The following SRGAP1 variants were observed in gnomAD, a reference collection of about 807,000 sequenced individuals.
SRGAP1 encodes SLIT-ROBO Rho GTPase-activating protein 1.
A neutral mutation model predicts 121.9 loss-of-function variants in SRGAP1; 43 were observed. The ratio of observed to expected loss-of-function variants is 0.35; its 90% CI spans 0.28 to 0.46. SRGAP1 has a LOEUF of 0.46. Among genes scored for constraint, SRGAP1 ranks in the 20% least tolerant of loss-of-function variants. The probability of loss-of-function intolerance (pLI) is 1.00; values close to 1 mark genes in which losing one functional copy is unlikely to be tolerated. For synonymous variants in SRGAP1, 447 were observed against 485.4 expected, an observed-to-expected ratio of 0.92 and a Z score of 1.04; for missense variants, 1,102 against 1,350.9, an observed-to-expected ratio of 0.82 and a Z score of 2.89.
intron 3 of SRGAP1, among the ~76,000 whole-genome samples, chr12:64,013,918 C>G (rs572972577): frequency 1.3e-5 from 2 of 152,172 alleles, no homozygotes; most frequent in East Asian, 3.9e-4. Context: ...CAACTCAAGC[C>G]CCTCCTACAG....
In SRGAP1 at chr12:63,913,194, C is replaced by CTTTT. The variant is rs759566545; in HGVS notation, c.67+68338_67+68341dup. 3.5e-3 allele frequency among the ~76,000 whole-genome samples: 205 copies of CTTTT among 59,042 alleles called. 7 individuals carry two copies. The highest frequency in any genetic ancestry group is 4.4e-3 in the Non-Finnish European group (145 of 32,910). 38.7% of individuals were successfully genotyped at this position (59,042 alleles called of 152,430 possible). ...GCAACCAATTTTCTGGTAAATCCTT[C>CTTTT]TTTTTTTTTTTTTTTTTTTTTTTTT... On this transcript the variant is annotated intron_variant, in intron 1 of 21. Transcript: ENST00000355086.
At chr12:64,085,616 C>T (rs1381718347) in intron 10 of SRGAP1, among the ~76,000 whole-genome samples, 2 of 152,178 alleles carry the variant, frequency 1.3e-5, no homozygotes, top group Non-Finnish European at 2.9e-5. Context: ...CATAAGGCAC[C>T]ACATACCACA....
At chr12:64,065,008 G>A in intron 7 of SRGAP1, 110 bp from the exon 8 acceptor site, 1 of 706,528 alleles carries the variant, frequency 1.4e-6, no homozygotes, top group Non-Finnish European at 2.3e-6. Flanking sequence ...ATATGTAATT[G>A]GAACCTTGAG....
chr12:64,141,272 TAA>T (rs977006357), intron 21 of SRGAP1, among the ~76,000 whole-genome samples: 8 of 48,200 alleles, frequency 1.7e-4, no homozygotes, highest in East Asian at 6.8e-4. Flanking sequence ...TAAAGTATAA[TAA>T]AAAAAAAAAA....
At chr12:64,122,791 G>A (rs529010842) in intron 18 of SRGAP1, among the ~76,000 whole-genome samples, 3 of 152,174 alleles carry the variant, frequency 2.0e-5, no homozygotes, top group South Asian at 2.1e-4. Context: ...CCGGCTACTC[G>A]AGAGGCTGAG....
chr12:64,100,384 A>T (rs2036234900), intron 15 of SRGAP1, among the ~76,000 whole-genome samples: 1 of 152,208 alleles, frequency 6.6e-6, no homozygotes, highest in African/African-American at 2.4e-5. Context: ...AGTCATATTT[A>T]GCAAATATGT....
chr12:64,041,548 C>T (rs1417917881), intron 4 of SRGAP1, among the ~76,000 whole-genome samples: 1 of 151,860 alleles, frequency 6.6e-6, no homozygotes, highest in African/African-American at 2.4e-5. Flanking sequence ...CCAGGCCCAG[C>T]TAATTTTTTT....
intron 4 of SRGAP1, among the ~76,000 whole-genome samples, chr12:64,037,518 C>T (rs1189899299): frequency 6.6e-6 from 1 of 152,242 alleles, no homozygotes; most frequent in African/African-American, 2.4e-5. Flanking sequence ...TTCACCAACA[C>T]CTATAGAATA....
In SRGAP1 at chr12:63,849,166, C is replaced by T. The variant is rs55955622; in HGVS notation, c.67+4283C>T. On this transcript the variant is annotated intron_variant, in intron 1 of 21. Coordinates refer to ENST00000355086, the MANE Select transcript of SRGAP1 (RefSeq NM_020762.4). ...ATAGGCCATTAGAAAGCAAGCATGT[C>T]TGGAAAAGTGTATGAAACCCAAACC... Among the ~76,000 whole-genome samples the T allele has an allele frequency of 2.1e-3, 327 of 152,306 alleles. 3 individuals are homozygous for T. Among genetic ancestry groups the T allele is most frequent in the African/African-American group, 7.5e-3 (310 of 41,558 alleles).
At chr12:63,857,494 G>A (rs1899294964) in intron 1 of SRGAP1, among the ~76,000 whole-genome samples, 2 of 151,860 alleles carry the variant, frequency 1.3e-5, no homozygotes, top group African/African-American at 4.8e-5. Context: ...CAATTCTCCT[G>A]CCTCAGCCTC....
chr12:64,020,680 TAAAAATAC>T (rs1190629216), intron 4 of SRGAP1, among the ~76,000 whole-genome samples: 1 of 151,558 alleles, frequency 6.6e-6, no homozygotes, highest in African/African-American at 2.4e-5. Context: ...CCGTCTTTAC[TAAAAATAC>T]AAAAATTAGC....
intron 3 of SRGAP1, among the ~76,000 whole-genome samples, chr12:63,997,081 A>G (rs2033733493): frequency 1.3e-5 from 2 of 152,248 alleles, no homozygotes; most frequent in South Asian, 2.1e-4. Context: ...TTTAACTTTA[A>G]TATAACAAGA....
chr12:64,058,704 G>C (rs890194321), intron 6 of SRGAP1, among the ~76,000 whole-genome samples: 9 of 151,864 alleles, frequency 5.9e-5, no homozygotes, highest in Non-Finnish European at 1.3e-4. Context: ...GCAGAGGCTG[G>C]CTTTTCATAT....
chr12:64,062,515 A>AT (rs1288445223), intron 6 of SRGAP1, among the ~76,000 whole-genome samples: 270 of 144,484 alleles, frequency 1.9e-3, no homozygotes, highest in Middle Eastern at 3.6e-3. Flanking sequence ...GATAGTGTCT[A>AT]TTTTTTTTTT....
intron 1 of SRGAP1, among the ~76,000 whole-genome samples, chr12:63,976,965 G>A (rs1343001139): frequency 6.6e-6 from 1 of 151,972 alleles, no homozygotes; most frequent in Non-Finnish European, 1.5e-5. Context: ...TATAAGAGAA[G>A]CATAAATCTT....
At position 64,125,999 on chromosome 12, in the gene SRGAP1, A is replaced by G. The variant is rs780360831; in HGVS notation, c.2247A>G (p.Ile749Met). 1.9e-6 allele frequency: 3 copies of G among 1,614,104 alleles called. No homozygotes were observed. The highest frequency in any genetic ancestry group is 2.5e-6 in the Non-Finnish European group (3 of 1,179,988). ...TAGAATGTGAGCCAATAGAAGCAAT[A>G]GCCAAGTTTGACTATGTTGGGCGGT... ...SEDECEPIEA[I>M]AKFDYVGRSA... The change falls in exon 19 of 22, where the codon ATA becomes ATG. Residue 749 changes from isoleucine to methionine, a missense_variant. Around this residue, in one of 3 missense-constraint regions of SRGAP1, gnomAD observed 747 missense variants for 929.4 expected, o/e 0.80. Coordinates refer to ENST00000355086, the MANE Select transcript of SRGAP1 (RefSeq NM_020762.4).
chr12:63,857,220 C>T (rs1405346515), intron 1 of SRGAP1, among the ~76,000 whole-genome samples: 1 of 151,220 alleles, frequency 6.6e-6, no homozygotes, highest in Admixed American at 6.6e-5. Context: ...GCTAAGATTA[C>T]AGGCATGCTC....
chr12:64,129,936 G>GT (rs1385178013), intron 21 of SRGAP1, among the ~76,000 whole-genome samples: 1 of 152,122 alleles, frequency 6.6e-6, no homozygotes, highest in Non-Finnish European at 1.5e-5. Flanking sequence ...TACCCATTCC[G>GT]TATTCCCTTT....
At chr12:63,958,793 T>G (rs796776671) in intron 1 of SRGAP1, among the ~76,000 whole-genome samples, 1 of 152,246 alleles carries the variant, frequency 6.6e-6, no homozygotes, top group South Asian at 2.1e-4. Context: ...ATAAGCCTTG[T>G]CAACGGAAGG....
Sources: allele counts gnomAD v4.1 joint callset (sites outside exome capture counted in the v4.1 genomes callset), GRCh38; gene constraint gnomAD v4.1.1; regional missense constraint gnomAD v4.1.1; transcripts MANE v1.5; gene names NCBI Gene and HGNC (gene_info 2026-07-23, HGNC 2026-07-21).